Variants in SPDYA observed in about 807,000 individuals in gnomAD.
SPDYA encodes the protein speedy/RINGO cell cycle regulator family member A, also known as speedy protein A.
A neutral mutation model predicts 36.7 loss-of-function variants in SPDYA; 11 were observed. The ratio of observed to expected loss-of-function variants is 0.30; its 90% CI spans 0.19 to 0.50. The LOEUF (loss-of-function observed/expected upper bound fraction) is 0.50, where lower values mean the gene tolerates loss of function less well. Among genes scored for constraint, SPDYA ranks in the 20% least tolerant of loss-of-function variants. The probability of loss-of-function intolerance (pLI) is 0.98; values close to 1 mark genes in which losing one functional copy is unlikely to be tolerated. For synonymous variants in SPDYA, 115 were observed against 118.7 expected, an observed-to-expected ratio of 0.97 and a Z score of 0.20; for missense variants, 287 against 370.9, an observed-to-expected ratio of 0.77 and a Z score of 1.86.
At chr2:28,826,859 C>T (rs1242011671) in intron 5 of SPDYA, among the ~76,000 whole-genome samples, 1 of 151,578 alleles carries the variant, frequency 6.6e-6, no homozygotes, top group Non-Finnish European at 1.5e-5. Context: ...TCAAGCACTC[C>T]ACCTGCCTCA....
intron 5 of SPDYA, 39 bp downstream of exon 5, chr2:28,822,449 A>G (rs573510421): frequency 9.0e-7 from 1 of 1,116,170 alleles, no homozygotes; most frequent in African/African-American, 1.6e-5. Context: ...TGTGTTATCT[A>G]TTATATACAT....
chr2:28,821,178 AT>A (rs1016145776), intron 4 of SPDYA, among the ~76,000 whole-genome samples: 15,402 of 129,694 alleles, frequency 0.12, 1,079 homozygotes, highest in African/African-American at 0.22. Context: ...TTATGATGTG[AT>A]TTTTTTTTTT....
Position 28,849,990 on chromosome 2 carries a change from C to T in SPDYA, c.*49C>T, listed in dbSNP as rs1209987987. On this transcript the variant is annotated 3_prime_UTR_variant, in exon 8 of 8. Coordinates refer to ENST00000334056, the MANE Select transcript of SPDYA (RefSeq NM_182756.4). The stretch of plus-strand genomic sequence containing the variant: ...GAATCATTAACTACAAAATGTCAAA[C>T]TAACTGCAAGACAAGTGTCAAAATG... 2 of 1,410,374 alleles carry T rather than the reference C, an allele frequency of 1.4e-6. No homozygotes were observed. The highest frequency in any genetic ancestry group is 9.9e-7 in the Non-Finnish European group (1 of 1,014,386). The allele number at this position is 1,410,374 out of a possible 1,614,324, so 87.4% of individuals were successfully genotyped here. A position where few individuals can be genotyped will look rare whatever the true frequency, so the allele number is the denominator to read the frequency against.
At chr2:28,829,415 G>T in intron 6 of SPDYA, 96 bp downstream of exon 6, 2 of 1,215,028 alleles carry the variant, frequency 1.6e-6, no homozygotes, top group South Asian at 1.5e-5. Flanking sequence ...TTGGTATTCT[G>T]GGTTTTTTTT....
intron 4 of SPDYA, among the ~76,000 whole-genome samples, chr2:28,819,603 G>A (rs1668081189): frequency 1.3e-5 from 2 of 151,592 alleles, no homozygotes; most frequent in Admixed American, 1.3e-4. Context: ...TCTGGAATTA[G>A]CATATAGCAT....
intron 3 of SPDYA, among the ~76,000 whole-genome samples, chr2:28,818,190 G>T (rs1212719153): frequency 6.6e-6 from 1 of 151,950 alleles, no homozygotes; most frequent in African/African-American, 2.4e-5. Flanking sequence ...AGTTAGCAAG[G>T]CAGAAATTCT....
chr2:28,813,899 A>T (rs1667918005), intron 1 of SPDYA, among the ~76,000 whole-genome samples: 1 of 152,132 alleles, frequency 6.6e-6, no homozygotes. Flanking sequence ...AAATATGCAG[A>T]TGAGGCCTCC....
rs2148071544 is a variant in SPDYA, at chr2:28,811,594, G to A, written c.-93+647G>A. Reference sequence around the variant, plus strand: ...TTTTAAAAAGCCTTATGCCGAGTTGGGCGAATCCTTGAGGCCAGGATTCGA... The same window carrying A: ...TTTTAAAAAGCCTTATGCCGAGTTGAGCGAATCCTTGAGGCCAGGATTCGA... On this transcript the variant is annotated intron_variant, in intron 1 of 7. Transcript: ENST00000334056. The surrounding 1 kb of genome is among the most constrained non-coding windows in gnomAD (Gnocchi z 4.2). Among the ~76,000 whole-genome samples the A allele has an allele frequency of 6.6e-6, 1 of 151,980 alleles. No homozygotes were observed. Among genetic ancestry groups the A allele is most frequent in the East Asian group, 1.9e-4 (1 of 5,164 alleles).
intron 7 of SPDYA, chr2:28,840,808 A>G: frequency 1.0e-6 from 1 of 995,670 alleles, no homozygotes; most frequent in Non-Finnish European, 1.2e-6. Flanking sequence ...CTCACCTTCC[A>G]ACTATTGGTT....
chr2:28,850,440 T>C lies in SPDYA; in HGVS notation c.*499T>C. ...AAAAATATATGTACTATAAGCTACA[T>C]AAAATATTTTCTATTTTTTTCACAA... is the stretch of plus-strand genomic sequence containing the variant. On this transcript the variant is annotated 3_prime_UTR_variant, in exon 8 of 8. Coordinates refer to ENST00000334056, the MANE Select transcript of SPDYA (RefSeq NM_182756.4). 7.3e-7 allele frequency: 1 copy of C among 1,372,624 alleles called. No homozygotes were observed. The highest frequency in any genetic ancestry group is 1.5e-5 in the African/African-American group (1 of 67,750). The allele number at this position is 1,372,624 out of a possible 1,614,324, so 85.0% of individuals were successfully genotyped here. A position where few individuals can be genotyped will look rare whatever the true frequency, so the allele number is the denominator to read the frequency against.
rs1491479223 is a variant in SPDYA, at chr2:28,823,745, A to ATATATAT, written c.380+1335_380+1336insTATATAT. Among the ~76,000 whole-genome samples the ATATATAT allele has an allele frequency of 7.7e-3, 326 of 42,546 alleles. 1 individual carries two copies. The highest frequency in any genetic ancestry group is 0.011 in the Non-Finnish European group (237 of 22,480). 27.9% of individuals were successfully genotyped at this position (42,546 alleles called of 152,430 possible). ...TATATATATATATATATATATATAT[A>ATATATAT]AAATTTTTTTTTTTTTTTGAGATGG... On this transcript the variant is annotated intron_variant, in intron 5 of 7. Coordinates refer to ENST00000334056, the MANE Select transcript of SPDYA (RefSeq NM_182756.4).
intron 3 of SPDYA, among the ~76,000 whole-genome samples, chr2:28,818,522 T>C (rs1236537830): frequency 2.0e-5 from 3 of 151,954 alleles, no homozygotes; most frequent in Non-Finnish European, 4.4e-5. Context: ...CTGACAACTA[T>C]TAATGTATTT....
intron 6 of SPDYA, among the ~76,000 whole-genome samples, chr2:28,830,347 G>C (rs1668450999): frequency 6.6e-6 from 1 of 151,698 alleles, no homozygotes; most frequent in Non-Finnish European, 1.5e-5. Flanking sequence ...GGGACTACAG[G>C]CGCCCGCCAC....
chr2:28,821,957 T>C (rs551454785), intron 4 of SPDYA, among the ~76,000 whole-genome samples: 5 of 152,310 alleles, frequency 3.3e-5, no homozygotes, highest in African/African-American at 1.2e-4. Flanking sequence ...CAAATAGAGA[T>C]AGCAAACATG....
intron 6 of SPDYA, among the ~76,000 whole-genome samples, chr2:28,834,780 G>A (rs781149406): frequency 3.3e-5 from 5 of 152,172 alleles, no homozygotes; most frequent in Non-Finnish European, 4.4e-5. Context: ...AAAATTGACC[G>A]TGGTTATGGT....
chr2:28,824,029 G>A (rs143859835), intron 5 of SPDYA, among the ~76,000 whole-genome samples: 6 of 151,318 alleles, frequency 4.0e-5, no homozygotes, highest in Non-Finnish European at 7.4e-5. Context: ...TTACAGGCGT[G>A]AGCCACCGCG....
At chr2:28,835,087 G>T (rs1346564732) in intron 6 of SPDYA, among the ~76,000 whole-genome samples, 4 of 152,058 alleles carry the variant, frequency 2.6e-5, no homozygotes, top group Non-Finnish European at 2.9e-5. Context: ...TTGAGACAGG[G>T]TCTCATTCTG....
chr2:28,827,697 A>G (rs547107040), intron 5 of SPDYA, among the ~76,000 whole-genome samples: 2 of 152,162 alleles, frequency 1.3e-5, no homozygotes, highest in East Asian at 1.9e-4. Context: ...GTTTTGAGCA[A>G]TTTGATTGTG....
chr2:28,841,866 T>C (rs1029182238), intron 7 of SPDYA: 1 of 152,322 alleles, frequency 6.6e-6, no homozygotes, highest in Middle Eastern at 3.4e-3. Flanking sequence ...ACCCCATCTA[T>C]TTAAAAAATT....
Sources: allele counts gnomAD v4.1 joint callset (sites outside exome capture counted in the v4.1 genomes callset), GRCh38; gene constraint gnomAD v4.1.1; non-coding constraint Gnocchi (gnomAD v3.1); transcripts MANE v1.5; gene names NCBI Gene and HGNC (gene_info 2026-07-23, HGNC 2026-07-21).